The following SBK1 variants were observed in gnomAD, a reference collection of about 807,000 sequenced individuals.
SBK1 encodes the protein SH3 domain binding kinase 1.
Under a neutral mutation model 24.4 loss-of-function variants are expected in SBK1, and 11 were observed. That is an observed-to-expected ratio of 0.45 (90% CI 0.28 to 0.75). The LOEUF (loss-of-function observed/expected upper bound fraction) is 0.75. Among genes scored for constraint, SBK1 ranks in the 30% least tolerant of loss-of-function variants. The pLI is 0.12. For missense variants in SBK1, 467 were observed against 620.5 expected, an observed-to-expected ratio of 0.75 and a Z score of 2.63; for synonymous variants, 308 against 284.4, an observed-to-expected ratio of 1.08 and a Z score of -0.83.
chr16:28,264,144 A>G (rs564351520), intron 1 of SBK1, among the ~76,000 whole-genome samples: 49 of 152,322 alleles, frequency 3.2e-4, no homozygotes, highest in African/African-American at 1.2e-3. Context: ...CTAAAAATAA[A>G]ATAAAAACAA....
chr16:28,260,748 C>CAGGGTCACAGCCTGCT (rs2044392462), intron 1 of SBK1, among the ~76,000 whole-genome samples: 1 of 152,216 alleles, frequency 6.6e-6, no homozygotes, highest in Non-Finnish European at 1.5e-5. Context: ...ACCTGGCTCA[C>CAGGGTCACAGCCTGCT]AGGGTCACAG....
intron 1 of SBK1, among the ~76,000 whole-genome samples, chr16:28,297,320 G>A (rs561299404): frequency 1.3e-5 from 2 of 152,266 alleles, no homozygotes; most frequent in South Asian, 4.1e-4. Context: ...GACAGACTGA[G>A]AGTCCGTCTC....
chr16:28,300,077 C>T (rs1284496927), intron 1 of SBK1, among the ~76,000 whole-genome samples: 1 of 152,246 alleles, frequency 6.6e-6, no homozygotes. Context: ...CTGCCTGACA[C>T]ACATCTCCTG....
intron 1 of SBK1, among the ~76,000 whole-genome samples, chr16:28,313,281 C>T (rs909401618): frequency 5.3e-5 from 8 of 151,696 alleles, no homozygotes; most frequent in African/African-American, 7.3e-5. Flanking sequence ...GGCAACAGAG[C>T]GAGACCCTGT....
chr16:28,283,465 G>A (rs768035629), intron 1 of SBK1, among the ~76,000 whole-genome samples: 8 of 152,180 alleles, frequency 5.3e-5, no homozygotes, highest in African/African-American at 1.2e-4. Flanking sequence ...TCCTGCTTGC[G>A]GCAACTCCAG....
At chr16:28,277,899 C>A (rs537897443) in intron 1 of SBK1, among the ~76,000 whole-genome samples, 11 of 152,360 alleles carry the variant, frequency 7.2e-5, no homozygotes, top group Non-Finnish European at 1.3e-4. Context: ...ATATGCGGAC[C>A]GGCCGGCAAG....
intron 1 of SBK1, among the ~76,000 whole-genome samples, chr16:28,271,945 C>G (rs562932081): frequency 1.1e-4 from 17 of 152,282 alleles, no homozygotes; most frequent in African/African-American, 3.9e-4. Flanking sequence ...TTGGTATTTA[C>G]CCAAATAAGT....
chr16:28,281,415 G>A (rs771089057), intron 1 of SBK1, among the ~76,000 whole-genome samples: 23 of 152,180 alleles, frequency 1.5e-4, no homozygotes, highest in African/African-American at 2.2e-4. Flanking sequence ...GTCCCTCCCC[G>A]AGTCCCGGGA....
intron 1 of SBK1, among the ~76,000 whole-genome samples, chr16:28,280,682 T>C (rs2044528350): frequency 6.8e-6 from 1 of 147,502 alleles, no homozygotes. Flanking sequence ...ATTTTATTTC[T>C]GAGACAGGGT....
chr16:28,265,069 G>T (rs930345439), intron 1 of SBK1, among the ~76,000 whole-genome samples: 1 of 151,178 alleles, frequency 6.6e-6, no homozygotes, highest in East Asian at 2.0e-4. Flanking sequence ...CCCAGGATTC[G>T]AAACCAGCCA....
Position 28,259,704 on chromosome 16 carries a change from C to G in SBK1, c.257+202C>G, listed in dbSNP as rs1567667464. Among the ~76,000 whole-genome samples the G allele has an allele frequency of 6.6e-6, 1 of 152,154 alleles. No individual in the cohort carries two copies. Among genetic ancestry groups the G allele is most frequent in the Non-Finnish European group, 1.5e-5 (1 of 68,028 alleles). On this transcript the variant is annotated intron_variant, in intron 1 of 3. Coordinates refer to the SBK1 transcript ENST00000671413. This position sits in a 1 kb window ranked among gnomAD's most constrained non-coding sequence, Gnocchi z 6.0. ...CCTTCCTATCTCCCCCACCCTAGCC[C>G]CAGAGTGGCTTTCACGTCCTCTCCC...
At chr16:28,263,094 C>T (rs1047230244) in intron 1 of SBK1, among the ~76,000 whole-genome samples, 1 of 152,182 alleles carries the variant, frequency 6.6e-6, no homozygotes. Flanking sequence ...TTGGCCAGAA[C>T]AGCTCATTGC....
chr16:28,301,002 TG>T (rs1195724314), intron 1 of SBK1, among the ~76,000 whole-genome samples: 1 of 151,644 alleles, frequency 6.6e-6, no homozygotes, highest in Non-Finnish European at 1.5e-5. Flanking sequence ...CCATCTCTTC[TG>T]GGGCCTCTGT....
chr16:28,305,690 C>T (rs1189286833), intron 1 of SBK1, among the ~76,000 whole-genome samples: 1 of 152,046 alleles, frequency 6.6e-6, no homozygotes, highest in Non-Finnish European at 1.5e-5. Flanking sequence ...TGCCACCACA[C>T]CTGGCTACTT....
chr16:28,260,825 G>A (rs867041515), intron 1 of SBK1, among the ~76,000 whole-genome samples: 34 of 152,244 alleles, frequency 2.2e-4, no homozygotes, highest in African/African-American at 6.0e-4. Flanking sequence ...CTTGATGGGC[G>A]TGGGTGCACA....
intron 1 of SBK1, among the ~76,000 whole-genome samples, chr16:28,293,650 C>T (rs1596546725): frequency 6.6e-6 from 1 of 151,970 alleles, no homozygotes; most frequent in Admixed American, 6.6e-5. Context: ...TGTGAATACC[C>T]CTCCCCCACG....
At chr16:28,295,905 C>CA in intron 1 of SBK1, among the ~76,000 whole-genome samples, 1 of 150,146 alleles carries the variant, frequency 6.7e-6, no homozygotes, top group East Asian at 1.9e-4. Context: ...TCTGGGTTTG[C>CA]AGGCCCAGAA....
chr16:28,261,379 G>GAGCTCAGGAGTTCGAGACCAGCCT (rs2044396520), intron 1 of SBK1, among the ~76,000 whole-genome samples: 1 of 151,696 alleles, frequency 6.6e-6, no homozygotes, highest in Non-Finnish European at 1.5e-5. Context: ...TAGATCGCTT[G>GAGCTCAGGAGTTCGAGACCAGCCT]AGCTCAGGAG....
At chr16:28,272,410 G>A (rs1878158272) in intron 1 of SBK1, among the ~76,000 whole-genome samples, 2 of 151,852 alleles carry the variant, frequency 1.3e-5, no homozygotes, top group African/African-American at 4.8e-5. Context: ...TTGCTTTATT[G>A]AATCTTTATG....
Sources: allele counts gnomAD v4.1 joint callset (sites outside exome capture counted in the v4.1 genomes callset), GRCh38; gene constraint gnomAD v4.1.1; non-coding constraint Gnocchi (gnomAD v3.1); transcripts MANE v1.5; gene names NCBI Gene and HGNC (gene_info 2026-07-23, HGNC 2026-07-21).